The following EFCAB6 variants were observed in gnomAD, a reference collection of about 807,000 sequenced individuals.
The protein encoded by EFCAB6 is EF-hand calcium-binding domain-containing protein 6.
In EFCAB6, 156 loss-of-function variants were observed where a neutral mutation model predicts 169.8. The ratio of observed to expected loss-of-function variants is 0.92; its 90% CI spans 0.81 to 1.05. The LOEUF (loss-of-function observed/expected upper bound fraction) is 1.05, where lower values mean the gene tolerates loss of function less well. Among genes scored for constraint, EFCAB6 ranks in the 50% least tolerant of loss-of-function variants. The probability of loss-of-function intolerance (pLI) is 0.00; values close to 1 mark genes in which losing one functional copy is unlikely to be tolerated. For synonymous variants in EFCAB6, 698 were observed against 676.4 expected, an observed-to-expected ratio of 1.03 and a Z score of -0.50; for missense variants, 1,800 against 1,829.1, an observed-to-expected ratio of 0.98 and a Z score of 0.29.
rs578009754 is a variant in EFCAB6 at position 43,795,314 on chromosome 22, A to G, written c.-7-12989T>C. ...AATATATTGTCACAAATAGACAGGG[A>G]CTAGAAGATATGACAAAAATTGCTA... is the stretch of plus-strand genomic sequence containing the variant. On this transcript the variant is annotated intron_variant, in intron 2 of 31. Coordinates refer to ENST00000262726, the MANE Select transcript of EFCAB6 (RefSeq NM_022785.4). This position sits in a 1 kb window ranked among gnomAD's most constrained non-coding sequence, Gnocchi z 4.2. Among the ~76,000 whole-genome samples the G allele has an allele frequency of 3.5e-4, 53 of 152,356 alleles. No individual in the cohort carries two copies. Among genetic ancestry groups the G allele is most frequent in the African/African-American group, 1.2e-3 (49 of 41,582 alleles).
chr22:43,784,694 C>T (rs2062011683), intron 2 of EFCAB6, among the ~76,000 whole-genome samples: 6 of 124,144 alleles, frequency 4.8e-5, no homozygotes, highest in African/African-American at 1.5e-4. Context: ...CACACACACA[C>T]ACACACACAC....
intron 27 of EFCAB6, chr22:43,552,136 T>C (rs1335237590): frequency 6.6e-6 from 1 of 152,140 alleles, no homozygotes; most frequent in African/African-American, 2.4e-5. Context: ...TGGCCTCTCA[T>C]TCCTTTTTAT....
At chr22:43,588,078 T>G (rs909144845) in intron 24 of EFCAB6, among the ~76,000 whole-genome samples, 4 of 152,238 alleles carry the variant, frequency 2.6e-5, no homozygotes, top group African/African-American at 9.6e-5. Flanking sequence ...GGCAAGTCTA[T>G]TCTCTGGTAA....
intron 6 of EFCAB6, among the ~76,000 whole-genome samples, chr22:43,747,262 G>A (rs1020721716): frequency 6.6e-5 from 10 of 152,312 alleles, no homozygotes; most frequent in Admixed American, 5.2e-4. Context: ...TGGATCTAGA[G>A]CTAAACAAAC....
intron 2 of EFCAB6, among the ~76,000 whole-genome samples, chr22:43,791,303 G>A (rs1471165125): frequency 6.6e-6 from 1 of 151,842 alleles, no homozygotes; most frequent in East Asian, 1.9e-4. Context: ...AACCCGGCAG[G>A]TGGAGGTTGC....
At chr22:43,759,518 C>A (rs189795619) in intron 5 of EFCAB6, 2 of 152,182 alleles carry the variant, frequency 1.3e-5, no homozygotes, top group African/African-American at 4.8e-5. Flanking sequence ...ATGTCCTACA[C>A]GTCCATCTGA....
intron 4 of EFCAB6, among the ~76,000 whole-genome samples, chr22:43,766,844 T>C (rs1443099544): frequency 6.6e-6 from 1 of 152,136 alleles, no homozygotes; most frequent in Non-Finnish European, 1.5e-5. Context: ...AGGTTTAAGA[T>C]TATTCCTTTT....
At chr22:43,647,466 T>C (rs928418195) in intron 17 of EFCAB6, among the ~76,000 whole-genome samples, 2 of 152,196 alleles carry the variant, frequency 1.3e-5, no homozygotes, top group Non-Finnish European at 2.9e-5. Context: ...GGGAATACAA[T>C]AGTGAACAAA....
At chr22:43,720,440 A>G (rs936833690) in intron 8 of EFCAB6, among the ~76,000 whole-genome samples, 4 of 152,038 alleles carry the variant, frequency 2.6e-5, no homozygotes, top group African/African-American at 9.7e-5. Context: ...TGAGCCCAGG[A>G]GTTCAAGGCT....
intron 17 of EFCAB6, among the ~76,000 whole-genome samples, chr22:43,652,115 G>A (rs1320372846): frequency 6.6e-6 from 1 of 152,138 alleles, no homozygotes; most frequent in Non-Finnish European, 1.5e-5. Context: ...AAGGGGCCAG[G>A]GGCAGAATGA....
chr22:43,701,328 G>A lies in EFCAB6; in HGVS notation c.1031+10147C>T, dbSNP rs534209982. On this transcript the variant is annotated intron_variant, in intron 10 of 31. Transcript: ENST00000262726. ...GAATTCAGCAGATTCTTCCTTCTTA[G>A]GAGATGACATTATTAGTCATAAGTC... Among the ~76,000 whole-genome samples, 86 of 152,238 alleles carry A rather than the reference G, an allele frequency of 5.6e-4. 1 individual carries two copies. The highest frequency in any genetic ancestry group is 4.9e-4 in the Non-Finnish European group (33 of 68,014).
rs1257483709 is a variant in EFCAB6, at chr22:43,537,093, C to G, written c.4048+284G>C. 1 of 295,852 alleles carries G rather than the reference C, an allele frequency of 3.4e-6. No individual in the cohort carries two copies. The highest frequency in any genetic ancestry group is 6.3e-6 in the Non-Finnish European group (1 of 159,132). The allele number at this position is 295,852 out of a possible 1,614,324, so 18.3% of individuals were successfully genotyped here. A position where few individuals can be genotyped will look rare whatever the true frequency, so the allele number is the denominator to read the frequency against. The stretch of plus-strand genomic sequence containing the variant: ...CAGTCAGAGTCTGTGAACATTCACA[C>G]TCTGCCCAGGGTGGCAACCACTGTG... On this transcript the variant is annotated intron_variant, in intron 29 of 31. Coordinates refer to ENST00000262726, the MANE Select transcript of EFCAB6 (RefSeq NM_022785.4). This position sits in a 1 kb window ranked among gnomAD's most constrained non-coding sequence, Gnocchi z 4.3.
rs552247059 is a variant in EFCAB6 at position 43,529,118 on chromosome 22, C to T, written c.4384-143G>A. On this transcript the variant is annotated intron_variant, in intron 31 of 31. Coordinates refer to ENST00000262726, the MANE Select transcript of EFCAB6 (RefSeq NM_022785.4). ...TCAGCCTCCCATCTGTGCGCTCTCT[C>T]TATGCCCTCTCAACCTCTGCCCAAA... is the stretch of plus-strand genomic sequence containing the variant. 16 of 976,136 alleles carry T rather than the reference C, an allele frequency of 1.6e-5. No individual in the cohort carries two copies. The African/African-American group carries it at 1.9e-4, about 12-fold the overall frequency. 60.5% of individuals were successfully genotyped at this position (976,136 alleles called of 1,614,324 possible). A position where few individuals can be genotyped will look rare whatever the true frequency, so the allele number is the denominator to read the frequency against.
chr22:43,609,819 C>T (rs1341088821), intron 21 of EFCAB6, among the ~76,000 whole-genome samples: 1 of 152,172 alleles, frequency 6.6e-6, no homozygotes, highest in African/African-American at 2.4e-5. Flanking sequence ...TAAGTTATCA[C>T]GACAACAAAG....
At chr22:43,710,200 C>T (rs1002883730) in intron 10 of EFCAB6, among the ~76,000 whole-genome samples, 3 of 152,142 alleles carry the variant, frequency 2.0e-5, no homozygotes, top group Non-Finnish European at 4.4e-5. Context: ...GAACAGGGAT[C>T]CTTGGAGAAA....
chr22:43,754,981 A>G (rs1267635871), intron 6 of EFCAB6, among the ~76,000 whole-genome samples: 1 of 152,214 alleles, frequency 6.6e-6, no homozygotes, highest in Non-Finnish European at 1.5e-5. Context: ...AAATTATCAT[A>G]TTGAGATGAA....
At chr22:43,591,916 C>T (rs2051585381) in intron 23 of EFCAB6, among the ~76,000 whole-genome samples, 1 of 152,308 alleles carries the variant, frequency 6.6e-6, no homozygotes, top group African/African-American at 2.4e-5. Context: ...ATAATTTCAA[C>T]TTACCCAGGT....
chr22:43,651,458 A>G (rs1249439343), intron 17 of EFCAB6, among the ~76,000 whole-genome samples: 2 of 152,262 alleles, frequency 1.3e-5, no homozygotes, highest in Non-Finnish European at 2.9e-5. Flanking sequence ...TCTAAGCAGA[A>G]GTTTGCCCGC....
At chr22:43,600,024 A>AGGTC in intron 23 of EFCAB6, 45 bp downstream of exon 23, 1 of 1,575,102 alleles carries the variant, frequency 6.3e-7, no homozygotes, top group Non-Finnish European at 8.6e-7. Context: ...GCCAGATGTA[A>AGGTC]AAGGGGACTT....
Sources: allele counts gnomAD v4.1 joint callset (sites outside exome capture counted in the v4.1 genomes callset), GRCh38; gene constraint gnomAD v4.1.1; non-coding constraint Gnocchi (gnomAD v3.1); transcripts MANE v1.5; gene names NCBI Gene and HGNC (gene_info 2026-07-23, HGNC 2026-07-21).